Variants in RBFOX3 observed in about 807,000 individuals in gnomAD.
The protein encoded by RBFOX3 is RNA binding fox-1 homolog 3, also known as RNA binding protein fox-1 homolog 3.
In RBFOX3, 17 loss-of-function variants were observed where a neutral mutation model predicts 48.7. The observed-to-expected ratio is 0.35, with a 90% CI of 0.24 to 0.52. The LOEUF is 0.52. RBFOX3 is among the 20% of genes least tolerant of loss of function. The pLI is 0.94. For missense variants in RBFOX3, 382 were observed against 497.5 expected (o/e 0.77, Z 2.21); for synonymous variants, 212 against 209.5 (o/e 1.01, Z -0.10).
At chr17:79,095,204 T>C (rs2074951888) in intron 13 of RBFOX3, among the ~76,000 whole-genome samples, 2 of 149,808 alleles carry the variant, frequency 1.3e-5, no homozygotes, top group Admixed American at 1.3e-4. Context: ...CACTCAAGCG[T>C]CTGCCTCCAA....
intron 10 of RBFOX3, 25 bp from the exon 11 acceptor site, chr17:79,097,449 C>A: frequency 6.5e-7 from 1 of 1,526,858 alleles, no homozygotes. Flanking sequence ...GCCCGAGACA[C>A]GTGTGAGAGG....
intron 1 of RBFOX3, among the ~76,000 whole-genome samples, chr17:79,606,839 G>A (rs961314667): frequency 1.3e-5 from 2 of 152,140 alleles, no homozygotes; most frequent in African/African-American, 2.4e-5. Context: ...ACACAAGGAG[G>A]CAATCACACA....
chr17:79,439,785 T>TAGATGCACACACACAC (rs374805880), intron 2 of RBFOX3, among the ~76,000 whole-genome samples: 6 of 152,298 alleles, frequency 3.9e-5, no homozygotes, highest in African/African-American at 1.4e-4. Flanking sequence ...CACACACACA[T>TAGATGCACACACACAC]ACATGCACAC....
intron 1 of RBFOX3, among the ~76,000 whole-genome samples, chr17:79,609,934 A>AG (rs1383764127): frequency 1.3e-5 from 2 of 151,474 alleles, no homozygotes; most frequent in Non-Finnish European, 2.9e-5. Flanking sequence ...CGGGGCCACC[A>AG]GGGCAGAAAG....
chr17:79,562,435 A>G (rs937111565), intron 1 of RBFOX3, among the ~76,000 whole-genome samples: 2 of 152,222 alleles, frequency 1.3e-5, no homozygotes, highest in African/African-American at 2.4e-5. Flanking sequence ...GCTAGAGATT[A>G]GATTGCATCT....
At chr17:79,351,298 G>C (rs532521438) in intron 2 of RBFOX3, among the ~76,000 whole-genome samples, 4 of 152,308 alleles carry the variant, frequency 2.6e-5, no homozygotes, top group African/African-American at 7.2e-5. Context: ...TGGGCCACAG[G>C]GTAGGGCTCT....
chr17:79,347,329 T>C (rs1013029732), intron 2 of RBFOX3, among the ~76,000 whole-genome samples: 3 of 152,198 alleles, frequency 2.0e-5, no homozygotes, highest in African/African-American at 7.2e-5. Context: ...GTTTCCCTCT[T>C]ATCTCTTCTT....
At chr17:79,132,890 AC>A (rs1427159313) in intron 4 of RBFOX3, 2 of 152,310 alleles carry the variant, frequency 1.3e-5, no homozygotes, top group African/African-American at 4.8e-5. Flanking sequence ...CCTCTTCTCC[AC>A]CCTGGACGGG....
intron 2 of RBFOX3, among the ~76,000 whole-genome samples, chr17:79,447,964 T>G (rs146593186): frequency 1.3e-5 from 2 of 152,098 alleles, no homozygotes; most frequent in Non-Finnish European, 1.5e-5. Context: ...CCCAGTTCGT[T>G]TGAAAGTGTG....
the RBFOX3 span, among the ~76,000 whole-genome samples, chr17:79,656,765 G>A: frequency 0.32 from 19,978 of 62,384 alleles, 3,188 homozygotes; most frequent in Non-Finnish European, 0.42. Context: ...AAGGAAGGAA[G>A]GAAGGAAGGA....
intron 1 of RBFOX3, among the ~76,000 whole-genome samples, chr17:79,542,610 C>A (rs1281117176): frequency 6.6e-6 from 1 of 152,146 alleles, no homozygotes; most frequent in African/African-American, 2.4e-5. Flanking sequence ...ATGGCAAAAC[C>A]CCGTCTCTAC....
At chr17:79,476,083 G>A (rs1008081328) in intron 2 of RBFOX3, among the ~76,000 whole-genome samples, 1 of 152,358 alleles carries the variant, frequency 6.6e-6, no homozygotes, top group Non-Finnish European at 1.5e-5. Flanking sequence ...GGGGGCCACT[G>A]ACACCCTGAG....
Position 79,390,956 on chromosome 17 carries a change from C to T in RBFOX3, c.-174-83132G>A, listed in dbSNP as rs972299789. Among the ~76,000 whole-genome samples the T allele has an allele frequency of 6.6e-5, 10 of 152,136 alleles. No homozygotes were observed. The highest frequency in any genetic ancestry group is 1.5e-4 in the Non-Finnish European group (10 of 68,032). On this transcript the variant is annotated intron_variant, in intron 2 of 14. Coordinates refer to ENST00000693108, the MANE Select transcript of RBFOX3 (RefSeq NM_001350451.2). This position sits in a 1 kb window ranked among gnomAD's most constrained non-coding sequence, Gnocchi z 4.2. ...CCACCCAAAGCCAGCTCTGCTTCTC[C>T]CTTCTCTCTTCCCGCTTTCTTCTCC...
chr17:79,499,662 C>A (rs1337080948), intron 1 of RBFOX3, among the ~76,000 whole-genome samples: 3 of 152,232 alleles, frequency 2.0e-5, no homozygotes, highest in Non-Finnish European at 4.4e-5. Context: ...AGTTACTTAA[C>A]CTTTCTCAAC....
At position 79,112,909 on chromosome 17, in the gene RBFOX3, G is replaced by T. The variant is rs866365162; in HGVS notation, c.222+2585C>A. Among the ~76,000 whole-genome samples the T allele has an allele frequency of 1.3e-4, 14 of 109,862 alleles. 1 individual carries two copies. The highest frequency in any genetic ancestry group is 1.1e-3 in the Admixed American group (13 of 11,332). The allele number at this position is 109,862 out of a possible 152,430, so 72.1% of individuals were successfully genotyped here. ...CAACCTGGGCAGCAGGCTCTCGGGG[G>T]GGGGGTGGGCTGGGTAGGACTTCAG... On this transcript the variant is annotated intron_variant, in intron 5 of 14. Transcript: ENST00000693108.
chr17:79,398,054 G>A (rs1013940119), intron 2 of RBFOX3, among the ~76,000 whole-genome samples: 2 of 152,262 alleles, frequency 1.3e-5, no homozygotes, highest in African/African-American at 2.4e-5. Flanking sequence ...AGGAAGACTC[G>A]GAGCCCGAAC....
intron 4 of RBFOX3, among the ~76,000 whole-genome samples, chr17:79,178,911 G>C (rs2146000361): frequency 6.6e-6 from 1 of 152,316 alleles, no homozygotes; most frequent in South Asian, 2.1e-4. Context: ...GACCAGACCT[G>C]GGCAGCAATG....
At chr17:79,398,308 T>C (rs2062305134) in intron 2 of RBFOX3, among the ~76,000 whole-genome samples, 1 of 152,128 alleles carries the variant, frequency 6.6e-6, no homozygotes, top group Non-Finnish European at 1.5e-5. Flanking sequence ...CGAGGCTTCA[T>C]TGCATCAATT....
chr17:79,309,489 C>A (rs2076547698), intron 2 of RBFOX3, among the ~76,000 whole-genome samples: 1 of 152,110 alleles, frequency 6.6e-6, no homozygotes, highest in South Asian at 2.1e-4. Flanking sequence ...AGGGTCCTTG[C>A]ACATGTTGTC....
Sources: gnomAD v4.1 joint callset for allele counts (sites outside exome capture counted in the v4.1 genomes callset) on GRCh38, gnomAD v4.1.1 for gene constraint, Gnocchi (gnomAD v3.1) non-coding constraint, MANE v1.5 for transcripts, NCBI Gene and HGNC (gene_info 2026-07-23, HGNC 2026-07-21) for gene names.